The following LRBA variants were observed in gnomAD, a reference collection of about 807,000 sequenced individuals.
The protein encoded by LRBA is lipopolysaccharide-responsive and beige-like anchor protein.
Under a neutral mutation model 330.0 loss-of-function variants are expected in LRBA, and 176 were observed. The ratio of observed to expected loss-of-function variants is 0.53; its 90% CI spans 0.47 to 0.60. LRBA has a LOEUF of 0.60. Among genes scored for constraint, LRBA ranks in the 20% least tolerant of loss-of-function variants. The pLI, the probability that LRBA is intolerant of heterozygous loss-of-function variation, is 0.00. For missense variants in LRBA, 3,259 were observed against 3,444.8 expected (o/e 0.95, Z 1.35); for synonymous variants, 1,230 against 1,193.0 (o/e 1.03, Z -0.64).
rs188523786 is a variant in LRBA, at chr4:150,636,943, T to G, written c.5922-37812A>C. Among the ~76,000 whole-genome samples the G allele has an allele frequency of 2.0e-4, 30 of 152,264 alleles. No homozygotes were observed. In the East Asian group the frequency reaches 5.8e-3, roughly 29 times the overall value. On this transcript the variant is annotated intron_variant, in intron 37 of 56. Coordinates refer to ENST00000651943, the MANE Select transcript of LRBA (RefSeq NM_001364905.1). ...GATTACAGGCGTGAACTATCACACC[T>G]GGCTTAAGTTTATTTTTTGATGCCA...
At position 150,630,155 on chromosome 4, in the gene LRBA, T is replaced by C. The variant is rs79665103; in HGVS notation, c.5922-31024A>G. ...CTTTCAATTGTTTTTTCCTAAATAA[T>C]TTTCAATCCATGCCCACTACCACAG... On this transcript the variant is annotated intron_variant, in intron 37 of 56. Transcript: ENST00000651943. Among the ~76,000 whole-genome samples the C allele has an allele frequency of 6.6e-3, 1,001 of 152,286 alleles. 14 individuals are homozygous for C. The highest frequency in any genetic ancestry group is 0.023 in the African/African-American group (945 of 41,556).
intron 33 of LRBA, among the ~76,000 whole-genome samples, chr4:150,801,587 T>A (rs186319919): frequency 1.3e-5 from 2 of 152,348 alleles, no homozygotes; most frequent in East Asian, 3.9e-4. Context: ...CTTTAGCATT[T>A]ATCTACTTAG....
chr4:150,939,477 C>A (rs1038930629), intron 2 of LRBA, among the ~76,000 whole-genome samples: 1 of 152,184 alleles, frequency 6.6e-6, no homozygotes, highest in Non-Finnish European at 1.5e-5. Context: ...CAGATTCTCA[C>A]AATTCTCAGA....
Position 150,351,485 on chromosome 4 carries a change from C to T in LRBA, c.7195-1326G>A, listed in dbSNP as rs570238149. On this transcript the variant is annotated intron_variant, in intron 47 of 56. Transcript: ENST00000651943. ...TGGGCGGATCACGAGGTCAGGAGAT[C>T]GAGACCATCCTGGCTAACACAGTGA... Among the ~76,000 whole-genome samples, 20 of 152,042 alleles carry T rather than the reference C, an allele frequency of 1.3e-4. No individual in the cohort carries two copies. In the South Asian group the frequency reaches 1.9e-3, roughly 14 times the overall value.
At chr4:150,295,090 C>T (rs1301632948) in intron 53 of LRBA, among the ~76,000 whole-genome samples, 2 of 151,384 alleles carry the variant, frequency 1.3e-5, no homozygotes, top group African/African-American at 4.9e-5. Context: ...CTTGATAATT[C>T]ATATAAATTC....
At chr4:150,989,612 C>CA (rs934038318) in intron 2 of LRBA, among the ~76,000 whole-genome samples, 24 of 150,268 alleles carry the variant, frequency 1.6e-4, no homozygotes, top group African/African-American at 5.9e-4. Context: ...GACTCCATCT[C>CA]AAAAAAAAGA....
rs564786809 is a variant in LRBA, at chr4:150,884,821, T to G, written c.2165+8231A>C. On this transcript the variant is annotated intron_variant, in intron 17 of 56. Transcript: ENST00000651943. ...TAACCCATAATCAGTAAAAGAGCAA[T>G]AATCAAAAATAACTTGTAAGGTCCA... Among the ~76,000 whole-genome samples the G allele has an allele frequency of 3.5e-4, 53 of 151,986 alleles. 3 individuals are homozygous for G. The South Asian group carries it at 0.011, about 32-fold the overall frequency.
chr4:150,545,531 A>C (rs557471731), intron 40 of LRBA, among the ~76,000 whole-genome samples: 54 of 152,304 alleles, frequency 3.5e-4, no homozygotes, highest in Non-Finnish European at 7.2e-4. Flanking sequence ...AAAAATGTGA[A>C]CATTAAGCTT....
intron 37 of LRBA, among the ~76,000 whole-genome samples, chr4:150,622,844 C>T (rs1424724919): frequency 6.6e-6 from 1 of 152,006 alleles, no homozygotes; most frequent in Non-Finnish European, 1.5e-5. Flanking sequence ...ACTACAGGCG[C>T]CCGCCACCGC....
At chr4:150,795,063 C>G (rs1445547845) in intron 34 of LRBA, among the ~76,000 whole-genome samples, 1 of 152,028 alleles carries the variant, frequency 6.6e-6, no homozygotes, top group East Asian at 1.9e-4. Context: ...AATGCACAGT[C>G]ATAAATTTAG....
intron 52 of LRBA, among the ~76,000 whole-genome samples, chr4:150,303,927 C>T (rs187350893): frequency 1.3e-5 from 2 of 152,186 alleles, no homozygotes; most frequent in Admixed American, 6.5e-5. Flanking sequence ...GTAATTCACA[C>T]AAACTTGTCT....
chr4:150,852,130 T>C lies in LRBA; in HGVS notation c.3580A>G (p.Thr1194Ala). Residue 1194 changes from threonine (T) to alanine (A), a missense_variant, in exon 23 of 57, where the codon ACT becomes GCT. Physicochemically the swap from Thr to Ala is moderately conservative, Grantham distance 58. Coordinates refer to ENST00000651943, the MANE Select transcript of LRBA (RefSeq NM_001364905.1). ...ASGSSAMSPE[T>A]TVSQIAVESD... ...TCTACAGCTATTTGGGAAACAGTAG[T>C]TTCTGGTGACATAGCTGAAGACCCT... 6.2e-7 allele frequency: 1 copy of C among 1,614,138 alleles called. No individual in the cohort carries two copies. The highest frequency in any genetic ancestry group is 8.5e-7 in the Non-Finnish European group (1 of 1,179,982).
intron 46 of LRBA, among the ~76,000 whole-genome samples, chr4:150,429,976 T>G (rs1750156940): frequency 6.6e-6 from 1 of 152,064 alleles, no homozygotes; most frequent in Non-Finnish European, 1.5e-5. Context: ...TTTTGGGGGA[T>G]TTTAATTGAC....
intron 37 of LRBA, among the ~76,000 whole-genome samples, chr4:150,664,646 A>G (rs1427032930): frequency 2.6e-5 from 4 of 152,156 alleles, no homozygotes; most frequent in Non-Finnish European, 4.4e-5. Flanking sequence ...AGATTGAGTA[A>G]ACTGAGGTTT....
intron 37 of LRBA, among the ~76,000 whole-genome samples, chr4:150,653,141 A>C (rs1278328672): frequency 2.0e-5 from 3 of 152,178 alleles, no homozygotes; most frequent in African/African-American, 7.2e-5. Context: ...CCAGGAATTC[A>C]AGACCAGCCT....
chr4:150,815,163 A>G (rs1744377725), intron 31 of LRBA, among the ~76,000 whole-genome samples: 1 of 151,952 alleles, frequency 6.6e-6, no homozygotes, highest in Admixed American at 6.6e-5. Context: ...AATTTACTAT[A>G]CCTGAATTTA....
At chr4:150,898,778 G>A (rs1323511058) in intron 14 of LRBA, among the ~76,000 whole-genome samples, 1 of 152,028 alleles carries the variant, frequency 6.6e-6, no homozygotes, top group Non-Finnish European at 1.5e-5. Flanking sequence ...CTAGCACCTA[G>A]GACAGTACAT....
At chr4:150,270,719 C>T (rs926349809) in intron 56 of LRBA, among the ~76,000 whole-genome samples, 5 of 151,944 alleles carry the variant, frequency 3.3e-5, no homozygotes, top group Non-Finnish European at 5.9e-5. Context: ...AGTGACTATA[C>T]GTTAAGAGGA....
rs1729662078 is a variant in LRBA at position 150,893,237 on chromosome 4, A to G, written c.2068-88T>C. The G allele has an allele frequency of 3.2e-5, 22 of 685,812 alleles. No homozygotes were observed. In the South Asian group the frequency reaches 3.8e-4, roughly 12 times the overall value. The allele number at this position is 685,812 out of a possible 1,614,324, so 42.5% of individuals were successfully genotyped here. The stretch of plus-strand genomic sequence containing the variant: ...ATACTTCTGAAATAGAAATTTCAAC[A>G]TTAGAAATATAAGTAGACATATGTG... On this transcript the variant is annotated intron_variant, in intron 16 of 56. Coordinates refer to ENST00000651943, the MANE Select transcript of LRBA (RefSeq NM_001364905.1).
Sources: allele counts gnomAD v4.1 joint callset (sites outside exome capture counted in the v4.1 genomes callset), GRCh38; gene constraint gnomAD v4.1.1; transcripts MANE v1.5; gene names NCBI Gene and HGNC (gene_info 2026-07-23, HGNC 2026-07-21).